TENM2: variants seen among roughly 807,000 people sequenced by gnomAD.
The protein encoded by TENM2 is teneurin transmembrane protein 2, also known as teneurin-2.
TENM2 carries 52 observed loss-of-function variants against 245.2 expected under a neutral mutation model. That is an observed-to-expected ratio of 0.21 (90% CI 0.17 to 0.27). TENM2 has a LOEUF of 0.27. TENM2 is among the 10% of genes least tolerant of loss of function. TENM2 has a pLI of 1.00. For missense variants in TENM2, 3,046 were observed against 3,666.8 expected, an observed-to-expected ratio of 0.83 and a Z score of 4.37; for synonymous variants, 1,363 against 1,438.9, an observed-to-expected ratio of 0.95 and a Z score of 1.19.
At chr5:167,823,405 C>G (rs1583103887) in intron 2 of TENM2, among the ~76,000 whole-genome samples, 1 of 152,298 alleles carries the variant, frequency 6.6e-6, no homozygotes. Flanking sequence ...CACGCACACA[C>G]AGACACACAC....
At chr5:167,825,561 C>T (rs1000962343) in intron 2 of TENM2, among the ~76,000 whole-genome samples, 1 of 152,202 alleles carries the variant, frequency 6.6e-6, no homozygotes, top group Non-Finnish European at 1.5e-5. Flanking sequence ...GCATTGTCAT[C>T]TAGCTCCTCT....
exon 16 of TENM2, chr5:168,199,043 A>C: frequency 1.9e-6 from 3 of 1,613,898 alleles, no homozygotes; most frequent in Non-Finnish European, 1.7e-6. Flanking sequence ...TGATCCAATC[A>C]TCATCTCCTC....
chr5:168,111,658 A>G (rs374101193), intron 9 of TENM2, among the ~76,000 whole-genome samples: 3 of 152,094 alleles, frequency 2.0e-5, no homozygotes, highest in African/African-American at 7.2e-5. Context: ...TGAGCCAGGG[A>G]GCTGTCCACA....
chr5:167,470,453 G>GTTTTTTTTTTTTTTTTTTTTTTTTTTT (rs1766938434), intron 2 of TENM2, among the ~76,000 whole-genome samples: 1 of 10,818 alleles, frequency 9.2e-5, no homozygotes, highest in African/African-American at 3.5e-4. Flanking sequence ...GGCAATGCTT[G>GTTTTTTTTTTTTTTTTTTTTTTTTTTT]CTTTTTTTTT....
intron 12 of TENM2, among the ~76,000 whole-genome samples, chr5:168,144,769 T>C (rs1755892216): frequency 6.6e-6 from 1 of 152,070 alleles, no homozygotes; most frequent in African/African-American, 2.4e-5. Flanking sequence ...GACTTCCACA[T>C]GGTTGAACTA....
At chr5:167,518,125 C>G (rs1207302996) in intron 2 of TENM2, among the ~76,000 whole-genome samples, 1 of 151,552 alleles carries the variant, frequency 6.6e-6, no homozygotes, top group Non-Finnish European at 1.5e-5. Context: ...GGTATCATTG[C>G]ACTCCAGCCT....
chr5:167,504,262 G>A (rs1382121577), intron 2 of TENM2, among the ~76,000 whole-genome samples: 1 of 152,114 alleles, frequency 6.6e-6, no homozygotes, highest in Non-Finnish European at 1.5e-5. Flanking sequence ...GGACCCCCAT[G>A]CATGAAGATA....
intron 12 of TENM2, among the ~76,000 whole-genome samples, chr5:168,150,792 G>T (rs958426821): frequency 6.6e-6 from 1 of 152,168 alleles, no homozygotes; most frequent in Non-Finnish European, 1.5e-5. Context: ...CAAAGTGCAT[G>T]GGCTGAGAGT....
chr5:167,126,370 A>G, the TENM2 span, among the ~76,000 whole-genome samples: 1 of 152,086 alleles, frequency 6.6e-6, no homozygotes, highest in East Asian at 1.9e-4. Context: ...ATTCTCCCTC[A>G]TTTCTTGGCA....
intron 7 of TENM2, 113 bp from the exon 10 acceptor site, chr5:168,090,461 G>A (rs1792838999): frequency 1.2e-6 from 1 of 822,594 alleles, no homozygotes; most frequent in Non-Finnish European, 1.9e-6. Context: ...ATAGCAAAAT[G>A]TGCTACAAAA....
the TENM2 span, among the ~76,000 whole-genome samples, chr5:167,226,732 C>T: frequency 0.21 from 32,259 of 151,854 alleles, 4,108 homozygotes; most frequent in African/African-American, 0.36. Context: ...CAATGTTTCT[C>T]TGTTAATTTT....
the TENM2 span, among the ~76,000 whole-genome samples, chr5:166,985,415 A>AC: frequency 6.6e-6 from 1 of 152,074 alleles, no homozygotes; most frequent in African/African-American, 2.4e-5. Flanking sequence ...TTTATTTTTA[A>AC]CCCCACTGAA....
chr5:167,227,095 CA>C, the TENM2 span, among the ~76,000 whole-genome samples: 1 of 110,752 alleles, frequency 9.0e-6, no homozygotes, highest in African/African-American at 4.2e-5. Context: ...TTCTTGTAGA[CA>C]GCATACAGTT....
chr5:167,458,845 C>T (rs1561973583), intron 2 of TENM2, among the ~76,000 whole-genome samples: 2 of 152,188 alleles, frequency 1.3e-5, no homozygotes, highest in African/African-American at 4.8e-5. Flanking sequence ...AAGTAGCACA[C>T]TGTGGGTGAA....
intron 3 of TENM2, among the ~76,000 whole-genome samples, chr5:167,895,849 G>T (rs949913963): frequency 6.6e-6 from 1 of 152,292 alleles, no homozygotes; most frequent in African/African-American, 2.4e-5. Flanking sequence ...AGTTTATACT[G>T]CCTTTGTTAA....
At chr5:168,154,414 G>A (rs1049980396) in intron 12 of TENM2, among the ~76,000 whole-genome samples, 6 of 152,104 alleles carry the variant, frequency 3.9e-5, no homozygotes, top group South Asian at 4.2e-4. Context: ...ACTAAACAAC[G>A]GGGTTTCACC....
intron 2 of TENM2, among the ~76,000 whole-genome samples, chr5:167,508,796 A>AT (rs780657357): frequency 7.2e-5 from 11 of 152,116 alleles, no homozygotes; most frequent in Admixed American, 1.3e-4. Flanking sequence ...CTCAAGCTCA[A>AT]TTTTTCCCTA....
intron 7 of TENM2, among the ~76,000 whole-genome samples, chr5:168,082,364 G>A (rs900284072): frequency 5.9e-5 from 9 of 152,082 alleles, no homozygotes; most frequent in Admixed American, 2.0e-4. Context: ...GCTTCTTTGC[G>A]ATGGGTTCGA....
the TENM2 span, among the ~76,000 whole-genome samples, chr5:167,027,876 G>GAAGACC: frequency 6.6e-6 from 1 of 152,030 alleles, no homozygotes; most frequent in Non-Finnish European, 1.5e-5. Context: ...GTCAGGAGTT[G>GAAGACC]AAGACCAGCC....
Sources: allele counts gnomAD v4.1 joint callset (sites outside exome capture counted in the v4.1 genomes callset), GRCh38; gene constraint gnomAD v4.1.1; transcripts MANE v1.5; gene names NCBI Gene and HGNC (gene_info 2026-07-23, HGNC 2026-07-21).